The following ARL13B variants were observed in gnomAD, a reference collection of about 807,000 sequenced individuals.
The protein encoded by ARL13B is ADP-ribosylation factor-like protein 13B.
Under a neutral mutation model 56.1 loss-of-function variants are expected in ARL13B, and 36 were observed. That is an observed-to-expected ratio of 0.64 (90% confidence interval 0.49 to 0.85). The LOEUF is 0.85. ARL13B is among the 40% of genes least tolerant of loss of function. ARL13B has a pLI of 0.00. For missense variants in ARL13B, 519 were observed against 507.1 expected, an observed-to-expected ratio of 1.02 and a Z score of -0.23; for synonymous variants, 178 against 171.1, an observed-to-expected ratio of 1.04 and a Z score of -0.32.
intron 3 of ARL13B, among the ~76,000 whole-genome samples, chr3:94,008,275 C>T (rs751324644): frequency 1.1e-4 from 16 of 152,184 alleles, no homozygotes; most frequent in Middle Eastern, 6.8e-3. Context: ...GTATGAATTA[C>T]GTTATCTACT....
chr3:94,017,265 A>C (rs532593982), intron 3 of ARL13B, among the ~76,000 whole-genome samples: 1 of 152,338 alleles, frequency 6.6e-6, no homozygotes, highest in Non-Finnish European at 1.5e-5. Flanking sequence ...TGTGTATGCA[A>C]GTGAGATTAG....
chr3:94,031,038 G>A (rs958452621), intron 3 of ARL13B, among the ~76,000 whole-genome samples: 3 of 151,848 alleles, frequency 2.0e-5, no homozygotes, highest in Admixed American at 1.3e-4. Context: ...AAGAACGTTC[G>A]AACACTAGCT....
intron 3 of ARL13B, among the ~76,000 whole-genome samples, chr3:94,033,789 C>T (rs575375526): frequency 1.3e-5 from 2 of 152,244 alleles, no homozygotes; most frequent in African/African-American, 2.4e-5. Context: ...GCACCACCTA[C>T]GAAGTATGCT....
intron 2 of ARL13B, among the ~76,000 whole-genome samples, chr3:93,998,064 T>C (rs2075995977): frequency 6.6e-6 from 1 of 152,234 alleles, no homozygotes; most frequent in Non-Finnish European, 1.5e-5. Context: ...GAAATTTGAA[T>C]TTAATATAAT....
chr3:94,054,698 T>C lies in ARL13B; in HGVS notation c.*1435T>C. 2.6e-6 allele frequency: 1 copy of C among 389,524 alleles called. No homozygotes were observed. Among genetic ancestry groups the C allele is most frequent in the Non-Finnish European group, 5.0e-6 (1 of 200,344 alleles). 24.1% of individuals were successfully genotyped at this position (389,524 alleles called of 1,614,324 possible). A position where few individuals can be genotyped will look rare whatever the true frequency, so the allele number is the denominator to read the frequency against. On this transcript the variant is annotated 3_prime_UTR_variant, in exon 10 of 10. Coordinates refer to ENST00000394222, the MANE Select transcript of ARL13B (RefSeq NM_001174150.2). ...TCACATTTTTTAACTCACTGAACTT[T>C]AATAATCAGGTCACCTGTACTCTAG...
At chr3:93,985,290 A>G (rs1225655311) in intron 1 of ARL13B, among the ~76,000 whole-genome samples, 1 of 152,212 alleles carries the variant, frequency 6.6e-6, no homozygotes, top group East Asian at 1.9e-4. Context: ...AGCAGATTCT[A>G]ACCCTTACAC....
rs146378352 is a variant in ARL13B at position 93,999,573 on chromosome 3, C to T, written c.130+3629C>T. On this transcript the variant is annotated intron_variant, in intron 2 of 9. Coordinates refer to ENST00000394222, the MANE Select transcript of ARL13B (RefSeq NM_001174150.2). Reference sequence around the variant, plus strand: ...CTATTCCCTGAACATCTATTCTTTGCGTTACTCTTTCAGTTGTTTTTAAAT... The same window carrying T: ...CTATTCCCTGAACATCTATTCTTTGTGTTACTCTTTCAGTTGTTTTTAAAT... Among the ~76,000 whole-genome samples, 17 of 152,224 alleles carry T rather than the reference C, an allele frequency of 1.1e-4. No individual in the cohort carries two copies. In the East Asian group the frequency reaches 1.7e-3, roughly 16 times the overall value.
chr3:94,011,953 CT>C (rs1160547221), intron 3 of ARL13B, among the ~76,000 whole-genome samples: 1 of 152,090 alleles, frequency 6.6e-6, no homozygotes, highest in Non-Finnish European at 1.5e-5. Flanking sequence ...CAATAATTGT[CT>C]TTGTGCTGCC....
chr3:94,042,493 A>C (rs2076880200), intron 6 of ARL13B, among the ~76,000 whole-genome samples: 1 of 152,250 alleles, frequency 6.6e-6, no homozygotes, highest in Non-Finnish European at 1.5e-5. Context: ...ATTGTATCTA[A>C]CATTTATGTA....
In ARL13B at chr3:94,012,882, A is replaced by C. The variant is rs1280452997; in HGVS notation, c.380+8974A>C. Among the ~76,000 whole-genome samples, 5 of 152,308 alleles carry C rather than the reference A, an allele frequency of 3.3e-5. No individual in the cohort carries two copies. The East Asian group carries it at 9.6e-4, about 29-fold the overall frequency. ...TTCTAACCCATTCTTCATATGGTAG[A>C]TAGAATGATCTTTTTCAAGTGTAAA... is the stretch of plus-strand genomic sequence containing the variant. On this transcript the variant is annotated intron_variant, in intron 3 of 9. Transcript: ENST00000394222.
intron 3 of ARL13B, among the ~76,000 whole-genome samples, chr3:94,018,819 G>T (rs1378250666): frequency 6.6e-6 from 1 of 152,176 alleles, no homozygotes; most frequent in African/African-American, 2.4e-5. Context: ...AGGCCGGAGT[G>T]CAGTGGTGTG....
chr3:94,010,226 A>G (rs554455435), intron 3 of ARL13B, among the ~76,000 whole-genome samples: 2 of 152,242 alleles, frequency 1.3e-5, no homozygotes, highest in East Asian at 1.9e-4. Flanking sequence ...ATAATATGTC[A>G]TGTTATGTGA....
rs2107296601 is a variant in ARL13B, at chr3:93,980,193, G to A, written c.-231G>A. Reference sequence around the variant, plus strand: ...CGGGTCCCGCTAACTCGGCTACGGTGTATCTGCGTCTTTGGTCAGGTTGTT... The same window carrying A: ...CGGGTCCCGCTAACTCGGCTACGGTATATCTGCGTCTTTGGTCAGGTTGTT... On this transcript the variant is annotated 5_prime_UTR_variant, in exon 1 of 10. Transcript: ENST00000394222. The A allele has an allele frequency of 1.4e-6, 1 of 694,248 alleles. No homozygotes were observed. The highest frequency in any genetic ancestry group is 2.6e-6 in the Non-Finnish European group (1 of 382,496). 43.0% of individuals were successfully genotyped at this position (694,248 alleles called of 1,614,324 possible). A position where few individuals can be genotyped will look rare whatever the true frequency, so the allele number is the denominator to read the frequency against.
intron 1 of ARL13B, among the ~76,000 whole-genome samples, chr3:93,994,777 A>G (rs1255764999): frequency 6.7e-6 from 1 of 149,604 alleles, no homozygotes; most frequent in Non-Finnish European, 1.5e-5. Flanking sequence ...TCTTTGTTAT[A>G]TGGCCCCTTC....
intron 7 of ARL13B, among the ~76,000 whole-genome samples, chr3:94,044,607 GC>G: frequency 7.4e-6 from 1 of 135,998 alleles, no homozygotes. Context: ...TCTCTGCCCG[GC>G]CGCCACCCTG....
At chr3:94,043,320 G>GT (rs371092483) in intron 7 of ARL13B, 80 bp downstream of exon 7, 21 of 1,294,256 alleles carry the variant, frequency 1.6e-5, no homozygotes, top group African/African-American at 1.2e-4. Flanking sequence ...TTTTATGTTT[G>GT]TTTTTACAAA....
chr3:94,033,037 C>G (rs560953322), intron 3 of ARL13B, among the ~76,000 whole-genome samples: 1 of 152,260 alleles, frequency 6.6e-6, no homozygotes, highest in African/African-American at 2.4e-5. Context: ...AAATGGAATG[C>G]TATTCAACTA....
Position 94,022,154 on chromosome 3 carries a change from G to A in ARL13B, c.381-13177G>A, listed in dbSNP as rs138728380. ...TTTATTTTTTTTGAGACAGAGTTTC[G>A]CTGTTGTCACCCAGGCTGGAGTGCA... On this transcript the variant is annotated intron_variant, in intron 3 of 9. Transcript: ENST00000394222. Among the ~76,000 whole-genome samples, 978 of 151,774 alleles carry A rather than the reference G, an allele frequency of 6.4e-3. 13 individuals carry two copies. The highest frequency in any genetic ancestry group is 0.022 in the African/African-American group (893 of 41,374).
In ARL13B at chr3:94,055,138, A is replaced by G. The variant is rs2077123305; in HGVS notation, c.*1875A>G. ...TCTCAAAAATTAATTTTTATTCCTT[A>G]AGCATTTTAAAAACATTTTAAAAAA... On this transcript the variant is annotated 3_prime_UTR_variant, in exon 10 of 10. Coordinates refer to ENST00000394222, the MANE Select transcript of ARL13B (RefSeq NM_001174150.2). 1 of 367,898 alleles carries G rather than the reference A, an allele frequency of 2.7e-6. No individual in the cohort carries two copies. Among genetic ancestry groups the G allele is most frequent in the African/African-American group, 2.2e-5 (1 of 46,416 alleles). The allele number at this position is 367,898 out of a possible 1,614,324, so 22.8% of individuals were successfully genotyped here.
Sources: allele counts gnomAD v4.1 joint callset (sites outside exome capture counted in the v4.1 genomes callset), GRCh38; gene constraint gnomAD v4.1.1; transcripts MANE v1.5; gene names NCBI Gene and HGNC (gene_info 2026-07-23, HGNC 2026-07-21).